HECTD4: variants seen among roughly 807,000 people sequenced by gnomAD.
HECTD4 encodes the protein probable E3 ubiquitin-protein ligase HECTD4.
A neutral mutation model predicts 471.5 loss-of-function variants in HECTD4; 114 were observed. The ratio of observed to expected loss-of-function variants is 0.24; its 90% CI spans 0.21 to 0.28. The LOEUF is 0.28. Ranked by LOEUF, HECTD4 falls within the 10% of genes least tolerant of loss-of-function variation. The pLI is 1.00. For synonymous variants in HECTD4, 2,012 were observed against 2,256.0 expected, an observed-to-expected ratio of 0.89 and a Z score of 3.07; for missense variants, 3,866 against 5,651.5, an observed-to-expected ratio of 0.68 and a Z score of 10.13.
chr12:112,264,788 G>A (rs982508865), intron 16 of HECTD4, among the ~76,000 whole-genome samples: 2 of 152,056 alleles, frequency 1.3e-5, no homozygotes, highest in Non-Finnish European at 2.9e-5. Flanking sequence ...TATTTGAGAC[G>A]GAGTCTTGCT....
At chr12:112,330,040 G>A (rs2035816927) in intron 1 of HECTD4, among the ~76,000 whole-genome samples, 1 of 152,054 alleles carries the variant, frequency 6.6e-6, no homozygotes, top group African/African-American at 2.4e-5. Context: ...ACTTTGGGAG[G>A]CCAAGGTGGG....
At chr12:112,362,707 T>A (rs1030341132) in intron 1 of HECTD4, among the ~76,000 whole-genome samples, 19 of 144,958 alleles carry the variant, frequency 1.3e-4, no homozygotes, top group African/African-American at 2.2e-4. Context: ...AATTCTAAAA[T>A]TTTTTTTTTT....
intron 1 of HECTD4, among the ~76,000 whole-genome samples, chr12:112,325,257 ATT>A (rs981762371): frequency 6.6e-6 from 1 of 152,242 alleles, no homozygotes; most frequent in African/African-American, 2.4e-5. Context: ...CACTGAAAGA[ATT>A]TGAGTTATAA....
intron 14 of HECTD4, among the ~76,000 whole-genome samples, chr12:112,266,297 G>A (rs577814456): frequency 6.6e-6 from 1 of 152,164 alleles, no homozygotes; most frequent in East Asian, 1.9e-4. Flanking sequence ...TAAAATGTTA[G>A]GCTCTAATGT....
intron 64 of HECTD4, among the ~76,000 whole-genome samples, chr12:112,178,316 C>T (rs1033401159): frequency 6.6e-6 from 1 of 152,056 alleles, no homozygotes; most frequent in Admixed American, 6.5e-5. Context: ...GGGCTTAAGG[C>T]GTTATGCATT....
chr12:112,342,210 C>T (rs913776638), intron 1 of HECTD4, among the ~76,000 whole-genome samples: 3 of 152,290 alleles, frequency 2.0e-5, no homozygotes, highest in Non-Finnish European at 1.5e-5. Context: ...AATCCTAACA[C>T]CTTGGGAGGC....
rs780519443 is a variant in HECTD4, at chr12:112,204,598, C to T, written c.8157G>A (p.Thr2719=). 6.8e-6 allele frequency: 11 copies of T among 1,613,438 alleles called. No individual in the cohort carries two copies. Among genetic ancestry groups the T allele is most frequent in the Admixed American group, 5.0e-5 (3 of 59,974 alleles). The change falls in exon 53 of 76, where the codon ACG becomes ACA. Residue 2719 remains threonine, a synonymous_variant. Coordinates refer to ENST00000682272, the MANE Select transcript of HECTD4 (RefSeq NM_001388303.1). ...CATTCTCTTCGTAGAGAAATTCAAC[C>T]GTCTGTCGGGCAATATCCACCATAC... ...QLGMVDIARQ[T]VEFLYEENGG...
intron 1 of HECTD4, among the ~76,000 whole-genome samples, chr12:112,378,369 C>T (rs1431011572): frequency 6.6e-6 from 1 of 150,650 alleles, no homozygotes; most frequent in Non-Finnish European, 1.5e-5. Context: ...CAAGCGCCCG[C>T]CACCACGCCC....
chr12:112,248,507 A>T lies in HECTD4; in HGVS notation c.3956T>A (p.Val1319Glu). Residue 1319 changes from valine (V) to glutamate (E), a missense_variant, in exon 26 of 76, where the codon GTG (valine) becomes GAG (glutamate). This residue lies in a region of HECTD4 where 281 missense variants were observed against 499.9 expected (regional missense o/e 0.56). Coordinates refer to ENST00000682272, the MANE Select transcript of HECTD4 (RefSeq NM_001388303.1). ...RPQFRPSIKEVIQPDVMEEMV... is the reference protein window; with the variant it reads ...RPQFRPSIKEEIQPDVMEEMV... ...TTCCTCCATCACGTCTGGCTGAATC[A>T]CTTCTCTGTGATCACAATGGAAATC... 1 of 1,597,142 alleles carries T rather than the reference A, an allele frequency of 6.3e-7. No homozygotes were observed. Among genetic ancestry groups the T allele is most frequent in the Non-Finnish European group, 8.5e-7 (1 of 1,172,608 alleles).
Position 112,169,522 on chromosome 12 carries a change from G to A in HECTD4, c.12189C>T (p.Gly4063=). 6.2e-7 allele frequency: 1 copy of A among 1,611,484 alleles called. No individual in the cohort carries two copies. Among genetic ancestry groups the A allele is most frequent in the Non-Finnish European group, 8.5e-7 (1 of 1,178,768 alleles). Residue 4063 remains glycine (G), a synonymous_variant, in exon 70 of 76, where the codon GGC becomes GGT. Transcript: ENST00000682272. ...ACTTACTGGTGCCATGGACCTCCTC[G>A]CCAGTGAAGCGGATGTTGAAGGCAT... ...PTYAFNIRFT[G]EEVHGTSGSF... is the part of the protein sequence containing the mutation.
chr12:112,227,413 T>C (rs907209870), intron 43 of HECTD4, among the ~76,000 whole-genome samples: 1 of 151,690 alleles, frequency 6.6e-6, no homozygotes, highest in Non-Finnish European at 1.5e-5. Flanking sequence ...TGAGCTGAGA[T>C]CATGCCACTG....
intron 32 of HECTD4, among the ~76,000 whole-genome samples, chr12:112,240,731 C>T (rs2033623439): frequency 6.6e-6 from 1 of 152,046 alleles, no homozygotes; most frequent in Non-Finnish European, 1.5e-5. Flanking sequence ...GATTACAGGC[C>T]TGAGCCACTG....
At chr12:112,355,273 C>T (rs2036314127) in intron 1 of HECTD4, among the ~76,000 whole-genome samples, 3 of 128,026 alleles carry the variant, frequency 2.3e-5, no homozygotes, top group Admixed American at 9.1e-5. Context: ...CCGCGCCGGG[C>T]GCCAAATGGG....
chr12:112,186,113 C>T (rs2031852289), intron 60 of HECTD4, among the ~76,000 whole-genome samples: 1 of 151,956 alleles, frequency 6.6e-6, no homozygotes, highest in Non-Finnish European at 1.5e-5. Context: ...GCTGGGATTA[C>T]AGGAGTGTGA....
chr12:112,271,116 TA>T (rs998811415), intron 11 of HECTD4, among the ~76,000 whole-genome samples: 2 of 152,214 alleles, frequency 1.3e-5, no homozygotes, highest in African/African-American at 2.4e-5. Flanking sequence ...TTACATTCCA[TA>T]AAACTCGCCC....
At chr12:112,249,208 G>A (rs2033825470) in intron 25 of HECTD4, among the ~76,000 whole-genome samples, 1 of 152,022 alleles carries the variant, frequency 6.6e-6, no homozygotes, top group Non-Finnish European at 1.5e-5. Context: ...CACAAAATTA[G>A]CCGGGTGTGG....
At chr12:112,218,712 T>C (rs2033001875) in intron 45 of HECTD4, among the ~76,000 whole-genome samples, 1 of 152,200 alleles carries the variant, frequency 6.6e-6, no homozygotes, top group Non-Finnish European at 1.5e-5. Context: ...AGAACATTAA[T>C]AGATGTACCA....
chr12:112,189,014 T>TC (rs990525512), intron 60 of HECTD4, among the ~76,000 whole-genome samples: 4 of 152,162 alleles, frequency 2.6e-5, no homozygotes, highest in Admixed American at 6.5e-5. Context: ...TCTGCTTACG[T>TC]CCCCCCTATC....
chr12:112,172,992 G>T (rs2031291446), intron 66 of HECTD4, 131 bp from the exon 67 acceptor site: 2 of 759,870 alleles, frequency 2.6e-6, no homozygotes, highest in African/African-American at 1.7e-5. Flanking sequence ...CTTCCAGGTT[G>T]TTTCTTGGTG....
Sources: allele counts gnomAD v4.1 joint callset (sites outside exome capture counted in the v4.1 genomes callset), GRCh38; gene constraint gnomAD v4.1.1; regional missense constraint gnomAD v4.1.1; transcripts MANE v1.5; gene names NCBI Gene and HGNC (gene_info 2026-07-23, HGNC 2026-07-21).